Variants in TBC1D8 observed in about 807,000 individuals in gnomAD.
TBC1D8 encodes the protein BUB2-like protein 1.
A neutral mutation model predicts 118.8 loss-of-function variants in TBC1D8; 65 were observed. That is an observed-to-expected ratio of 0.55 (90% CI 0.45 to 0.67). The LOEUF (loss-of-function observed/expected upper bound fraction) is 0.67, where lower values mean the gene tolerates loss of function less well. Ranked by LOEUF, TBC1D8 falls within the 30% of genes least tolerant of loss-of-function variation. TBC1D8 has a pLI of 0.00. For synonymous variants in TBC1D8, 566 were observed against 595.8 expected (o/e 0.95, Z 0.73); for missense variants, 1,376 against 1,471.2 (o/e 0.94, Z 1.06).
intron 1 of TBC1D8, among the ~76,000 whole-genome samples, chr2:101,116,233 C>T (rs932655552): frequency 2.6e-5 from 4 of 152,164 alleles, no homozygotes; most frequent in African/African-American, 9.7e-5. Flanking sequence ...TCCACAAGGG[C>T]CCTGAGAATG....
Position 101,037,594 on chromosome 2 carries a change from G to T in TBC1D8, c.1390C>A (p.His464Asn). ...AAGGCGGTGACCAGGGCATCGGGGT[G>T]CATCAGCGGGCTCTTCTCTTTCTCA... ...ESEKEKSPLM[H>N]PDALVTAFQQ... Residue 464 changes from histidine to asparagine, a missense_variant, in exon 8 of 20, where the codon CAC (histidine) becomes AAC (asparagine). His to Asn is a moderately conservative substitution (Grantham distance 68). Transcript: ENST00000409318. 1 of 1,613,522 alleles carries T rather than the reference G, an allele frequency of 6.2e-7. No homozygotes were observed. Among genetic ancestry groups the T allele is most frequent in the Non-Finnish European group, 8.5e-7 (1 of 1,179,898 alleles).
chr2:101,132,398 GA>G (rs1284497092), intron 1 of TBC1D8, among the ~76,000 whole-genome samples: 2 of 152,120 alleles, frequency 1.3e-5, no homozygotes, highest in Middle Eastern at 3.2e-3. Context: ...GCTGCCAGGT[GA>G]CCCCATGATG....
Position 101,029,743 on chromosome 2 carries a change from AGCT to A in TBC1D8, c.1967_1969del (p.Glu656_Leu657delinsVal). ...CAGCTCTGGGAGATGACCCTTGATG[AGCT>A]CCTCGAAGACAGACTGGTCAACTTG... is the stretch of plus-strand genomic sequence containing the variant. On this transcript the variant is annotated inframe_deletion, in exon 12 of 20. Coordinates refer to ENST00000409318, the MANE Select transcript of TBC1D8 (RefSeq NM_001330348.2). 1 of 1,613,838 alleles carries A rather than the reference AGCT, an allele frequency of 6.2e-7. No homozygotes were observed. The highest frequency in any genetic ancestry group is 1.6e-4 in the Middle Eastern group (1 of 6,062).
At chr2:101,102,016 G>GT (rs1266506241) in intron 1 of TBC1D8, among the ~76,000 whole-genome samples, 336 of 127,444 alleles carry the variant, frequency 2.6e-3, no homozygotes, top group Middle Eastern at 4.2e-3. Context: ...TGTTTTGTTG[G>GT]TTTTTTTTAG....
chr2:101,027,490 G>A lies in TBC1D8; in HGVS notation c.2452-39C>T, dbSNP rs767844033. 17 of 1,597,474 alleles carry A rather than the reference G, an allele frequency of 1.1e-5. No homozygotes were observed. The South Asian group carries it at 1.9e-4, about 18-fold the overall frequency. On this transcript the variant is annotated intron_variant, in intron 14 of 19. Coordinates refer to ENST00000409318, the MANE Select transcript of TBC1D8 (RefSeq NM_001330348.2). ...TAAACAGCAATGGCGTGAAATCTAGGCCTGCACCCCCAGGGGTCAGGGCAA... is the reference window on the plus strand; with the variant it reads ...TAAACAGCAATGGCGTGAAATCTAGACCTGCACCCCCAGGGGTCAGGGCAA...
At chr2:101,137,265 T>C (rs904146985) in intron 1 of TBC1D8, among the ~76,000 whole-genome samples, 1 of 152,038 alleles carries the variant, frequency 6.6e-6, no homozygotes, top group Non-Finnish European at 1.5e-5. Context: ...ACTCCTGACC[T>C]CCAATGATCC....
chr2:101,064,585 G>A (rs1682925035), intron 2 of TBC1D8, among the ~76,000 whole-genome samples: 2 of 152,082 alleles, frequency 1.3e-5, no homozygotes, highest in Admixed American at 1.3e-4. Flanking sequence ...AGACTTTTTC[G>A]TTTTCTAAGA....
intron 1 of TBC1D8, among the ~76,000 whole-genome samples, chr2:101,139,916 G>A (rs1020390928): frequency 2.6e-5 from 4 of 152,016 alleles, no homozygotes; most frequent in African/African-American, 7.2e-5. Flanking sequence ...CCACAATCAC[G>A]ACTACAAACT....
intron 15 of TBC1D8, among the ~76,000 whole-genome samples, chr2:101,023,045 T>C (rs1483575599): frequency 1.3e-5 from 2 of 151,914 alleles, no homozygotes; most frequent in Non-Finnish European, 2.9e-5. Flanking sequence ...CTCAGGAGGC[T>C]GAGACAGGAG....
At chr2:101,029,985 C>A in intron 11 of TBC1D8, 1 of 508,660 alleles carries the variant, frequency 2.0e-6, no homozygotes, top group Non-Finnish European at 3.4e-6. Flanking sequence ...ACTGCTTGAT[C>A]AGCTGGAAAG....
At chr2:101,151,007 G>C (rs906773782) in intron 1 of TBC1D8, 120 bp downstream of exon 1, 1 of 722,614 alleles carries the variant, frequency 1.4e-6, no homozygotes, top group Non-Finnish European at 1.7e-6. Flanking sequence ...AGGGCCGTCC[G>C]GGCCCCGCGT....
intron 18 of TBC1D8, 27 bp from the exon 19 acceptor site, chr2:101,011,053 G>A (rs1679172561): frequency 1.3e-6 from 2 of 1,598,840 alleles, no homozygotes; most frequent in Non-Finnish European, 1.7e-6. Context: ...ACAATATGTG[G>A]TTTAATTTAA....
intron 1 of TBC1D8, among the ~76,000 whole-genome samples, chr2:101,123,484 A>G (rs1678217889): frequency 6.6e-6 from 1 of 152,130 alleles, no homozygotes; most frequent in Non-Finnish European, 1.5e-5. Context: ...CACTGCCCCA[A>G]GATGCAACTT....
chr2:101,056,423 C>G (rs930572037), intron 3 of TBC1D8, among the ~76,000 whole-genome samples: 2 of 151,992 alleles, frequency 1.3e-5, no homozygotes. Context: ...AGGATGGTCT[C>G]GATTTCCTGA....
intron 2 of TBC1D8, among the ~76,000 whole-genome samples, chr2:101,089,907 T>C (rs1399808825): frequency 1.4e-5 from 2 of 145,082 alleles, no homozygotes; most frequent in South Asian, 2.2e-4. Context: ...ACAGCCTTTA[T>C]GTGCTTTCGA....
rs547875995 is a variant in TBC1D8, at chr2:101,146,311, T to C, written c.127+4816A>G. Among the ~76,000 whole-genome samples the C allele has an allele frequency of 2.0e-5, 3 of 151,996 alleles. No homozygotes were observed. The East Asian group carries it at 5.8e-4, about 29-fold the overall frequency. On this transcript the variant is annotated intron_variant, in intron 1 of 19. Coordinates refer to ENST00000409318, the MANE Select transcript of TBC1D8 (RefSeq NM_001330348.2). ...TTGTATTTTACACTATTTTTCACTA[T>C]ACCATACTTCCTCCCTTCACCCTAA...
At chr2:101,008,406 T>A in intron 19 of TBC1D8, 133 bp from the exon 20 acceptor site, 2 of 739,448 alleles carry the variant, frequency 2.7e-6, no homozygotes, top group South Asian at 2.3e-5. Context: ...AAAGGTAGTC[T>A]CTGCCTTTCC....
At chr2:101,008,331 T>C in intron 19 of TBC1D8, 58 bp from the exon 20 acceptor site, 1 of 1,350,902 alleles carries the variant, frequency 7.4e-7, no homozygotes, top group East Asian at 2.4e-5. Flanking sequence ...GTCATTTTTT[T>C]TTTTAAACAT....
chr2:101,014,844 C>A lies in TBC1D8; in HGVS notation c.2828-3304G>T, dbSNP rs558288734. Among the ~76,000 whole-genome samples, 7 of 151,538 alleles carry A rather than the reference C, an allele frequency of 4.6e-5. No individual in the cohort carries two copies. The East Asian group carries it at 1.2e-3, about 25-fold the overall frequency. Reference sequence around the variant, plus strand: ...TGGGTATAACTTGAGTGCCAAACTTCTCTCTTAGACAACCAGTAGTCACAT... The same window carrying A: ...TGGGTATAACTTGAGTGCCAAACTTATCTCTTAGACAACCAGTAGTCACAT... On this transcript the variant is annotated intron_variant, in intron 17 of 19. Transcript: ENST00000409318.
Sources: gnomAD v4.1 joint callset for allele counts (sites outside exome capture counted in the v4.1 genomes callset) on GRCh38, gnomAD v4.1.1 for gene constraint, MANE v1.5 for transcripts, NCBI Gene and HGNC (gene_info 2026-07-23, HGNC 2026-07-21) for gene names.